ATXN1: variants seen among roughly 807,000 people sequenced by gnomAD.
ATXN1 encodes ataxin-1.
In ATXN1, 8 loss-of-function variants were observed where a neutral mutation model predicts 56.4. That is an observed-to-expected ratio of 0.14 (90% CI 0.08 to 0.26). The LOEUF is 0.26. Ranked by LOEUF, ATXN1 falls within the 10% of genes least tolerant of loss-of-function variation. The pLI is 1.00. For synonymous variants in ATXN1, 514 were observed against 494.6 expected, an observed-to-expected ratio of 1.04 and a Z score of -0.52; for missense variants, 987 against 1,106.5, an observed-to-expected ratio of 0.89 and a Z score of 1.53.
intron 4 of ATXN1, among the ~76,000 whole-genome samples, chr6:16,569,459 G>A (rs903054875): frequency 2.0e-5 from 3 of 150,894 alleles, no homozygotes; most frequent in African/African-American, 4.8e-5. Context: ...CCCAGGAGGT[G>A]GAGGCTGTAG....
intron 5 of ATXN1, among the ~76,000 whole-genome samples, chr6:16,491,281 T>TATTATTA (rs58463209): frequency 2.7e-4 from 31 of 115,012 alleles, no homozygotes; most frequent in African/African-American, 1.1e-3. Context: ...ATTATTATTT[T>TATTATTA]TTTTTTTTTT....
At chr6:16,421,372 A>G (rs186668154) in intron 6 of ATXN1, among the ~76,000 whole-genome samples, 1 of 152,324 alleles carries the variant, frequency 6.6e-6, no homozygotes, top group East Asian at 1.9e-4. Context: ...CATTTACTGA[A>G]CTAACAGTTA....
intron 4 of ATXN1, among the ~76,000 whole-genome samples, chr6:16,530,448 G>A (rs1761481841): frequency 6.6e-6 from 1 of 152,170 alleles, no homozygotes; most frequent in South Asian, 2.1e-4. Flanking sequence ...TCCATGGAAG[G>A]GTTAAGGGTT....
chr6:16,596,528 G>T (rs1231112928), intron 3 of ATXN1, among the ~76,000 whole-genome samples: 1 of 151,848 alleles, frequency 6.6e-6, no homozygotes. Context: ...AAAAATCTTT[G>T]ATTTAAAAAT....
chr6:16,710,051 G>A (rs970943496), intron 2 of ATXN1, among the ~76,000 whole-genome samples: 2 of 151,886 alleles, frequency 1.3e-5, no homozygotes, highest in African/African-American at 4.8e-5. Flanking sequence ...GAGAATAGAA[G>A]GAAACTTCGT....
chr6:16,732,299 G>A (rs530192431), intron 2 of ATXN1, among the ~76,000 whole-genome samples: 1 of 152,096 alleles, frequency 6.6e-6, no homozygotes. Context: ...GGCCGGGTGT[G>A]GTGGCTCACG....
intron 2 of ATXN1, among the ~76,000 whole-genome samples, chr6:16,735,962 G>A (rs1430058245): frequency 6.6e-6 from 1 of 152,096 alleles, no homozygotes; most frequent in Non-Finnish European, 1.5e-5. Flanking sequence ...GCATATAGTA[G>A]GCTGAGAAAA....
chr6:16,703,127 C>T (rs943098357), intron 2 of ATXN1, among the ~76,000 whole-genome samples: 2 of 152,174 alleles, frequency 1.3e-5, no homozygotes, highest in East Asian at 1.9e-4. Context: ...GTGGCACATA[C>T]ACACCAGGGA....
intron 3 of ATXN1, chr6:16,615,845 G>A (rs1057438468): frequency 6.6e-6 from 1 of 151,416 alleles, no homozygotes. Flanking sequence ...CCAGCCTGGT[G>A]AACATGGTGA....
Position 16,611,058 on chromosome 6 carries a change from G to A in ATXN1, c.-488-25151C>T, listed in dbSNP as rs112714435. 3.3e-5 allele frequency among the ~76,000 whole-genome samples: 5 copies of A among 152,030 alleles called. 1 individual carries two copies. The highest frequency in any genetic ancestry group is 1.2e-4 in the African/African-American group (5 of 41,448). ...AGAAAAATATATACACATATAAGGA[G>A]AGCATATAACAAACAACTGAATATC... On this transcript the variant is annotated intron_variant, in intron 3 of 7. Transcript: ENST00000436367.
intron 6 of ATXN1, among the ~76,000 whole-genome samples, chr6:16,367,933 T>G (rs1157522958): frequency 6.6e-6 from 1 of 152,118 alleles, no homozygotes; most frequent in Non-Finnish European, 1.5e-5. Flanking sequence ...AGACATAGGC[T>G]GAGGCGGGTG....
At chr6:16,673,034 A>AG (rs386406279) in intron 2 of ATXN1, among the ~76,000 whole-genome samples, 1 of 151,386 alleles carries the variant, frequency 6.6e-6, no homozygotes, top group East Asian at 1.9e-4. Flanking sequence ...AAAAAAAAAA[A>AG]AAGAAAAGAA....
intron 7 of ATXN1, among the ~76,000 whole-genome samples, chr6:16,321,027 C>T (rs1289001208): frequency 2.0e-5 from 3 of 152,202 alleles, no homozygotes; most frequent in Non-Finnish European, 2.9e-5. Flanking sequence ...GAATCACTTT[C>T]TCAGGGCCCG....
At chr6:16,492,956 T>C (rs1283817546) in intron 5 of ATXN1, among the ~76,000 whole-genome samples, 1 of 152,140 alleles carries the variant, frequency 6.6e-6, no homozygotes, top group Non-Finnish European at 1.5e-5. Flanking sequence ...CATCTTCTAC[T>C]CTTTCTCCCA....
At chr6:16,550,159 A>G (rs1432794140) in intron 4 of ATXN1, among the ~76,000 whole-genome samples, 1 of 150,032 alleles carries the variant, frequency 6.7e-6, no homozygotes, top group Non-Finnish European at 1.5e-5. Context: ...AAAATACAAA[A>G]AAAAAAAAAA....
At chr6:16,441,753 C>T (rs563232703) in intron 6 of ATXN1, among the ~76,000 whole-genome samples, 2 of 152,040 alleles carry the variant, frequency 1.3e-5, no homozygotes, top group South Asian at 2.1e-4. Flanking sequence ...TAAGAAGGAA[C>T]ACAAGAGGGA....
Position 16,410,691 on chromosome 6 carries a change from C to T in ATXN1, c.-161+75281G>A, listed in dbSNP as rs1452480150. Reference sequence around the variant, plus strand: ...TGCATTTCTTTCAAATTGTGAGCCTCCAATGAACTACAAGCTTGTCAGAAT... The same window carrying T: ...TGCATTTCTTTCAAATTGTGAGCCTTCAATGAACTACAAGCTTGTCAGAAT... On this transcript the variant is annotated intron_variant, in intron 6 of 7. Coordinates refer to ENST00000436367, the MANE Select transcript of ATXN1 (RefSeq NM_001128164.2). This position sits in a 1 kb window ranked among gnomAD's most constrained non-coding sequence, Gnocchi z 4.6. 2.6e-5 allele frequency among the ~76,000 whole-genome samples: 4 copies of T among 152,202 alleles called. No homozygotes were observed. The East Asian group carries it at 7.7e-4, about 29-fold the overall frequency.
intron 2 of ATXN1, among the ~76,000 whole-genome samples, chr6:16,692,273 T>A (rs1759063912): frequency 6.6e-6 from 1 of 152,182 alleles, no homozygotes; most frequent in Non-Finnish European, 1.5e-5. Flanking sequence ...TTTATATGAT[T>A]AATCTATTTG....
At chr6:16,541,444 T>C (rs1021255373) in intron 4 of ATXN1, among the ~76,000 whole-genome samples, 2 of 152,186 alleles carry the variant, frequency 1.3e-5, no homozygotes, top group Non-Finnish European at 2.9e-5. Context: ...TCTGTATTTG[T>C]TCCTTTTTCA....
Sources: allele counts gnomAD v4.1 joint callset (sites outside exome capture counted in the v4.1 genomes callset), GRCh38; gene constraint gnomAD v4.1.1; non-coding constraint Gnocchi (gnomAD v3.1); transcripts MANE v1.5; gene names NCBI Gene and HGNC (gene_info 2026-07-23, HGNC 2026-07-21).